NXN: variants seen among roughly 807,000 people sequenced by gnomAD.
NXN encodes nucleoredoxin 1.
In NXN, 16 loss-of-function variants were observed where a neutral mutation model predicts 48.6. That is an observed-to-expected ratio of 0.33 (90% CI 0.22 to 0.50). NXN has a LOEUF of 0.50. NXN is among the 20% of genes least tolerant of loss of function. NXN has a pLI of 0.98. For missense variants in NXN, 492 were observed against 605.5 expected (o/e 0.81, Z 1.97); for synonymous variants, 281 against 269.6 (o/e 1.04, Z -0.41).
At chr17:841,665 GCGAGCAGGTCCACCC>G (rs1567828192) in intron 1 of NXN, among the ~76,000 whole-genome samples, 38 of 141,492 alleles carry the variant, frequency 2.7e-4, no homozygotes, top group African/African-American at 8.9e-4. Context: ...TCTCACGCCG[GCGAGCAGGTCCACCC>G]TGACCATGGC....
Position 979,506 on chromosome 17 carries a change from C to G in NXN, c.173G>C (p.Gly58Ala), listed in dbSNP as rs1005727468. 2.4e-6 allele frequency: 3 copies of G among 1,238,146 alleles called. No homozygotes were observed. The highest frequency in any genetic ancestry group is 3.2e-5 in the African/African-American group (2 of 63,480). The allele number at this position is 1,238,146 out of a possible 1,614,324, so 76.7% of individuals were successfully genotyped here. The change falls in exon 1 of 8, where the codon GGG (glycine) becomes GCG (alanine). Residue 58 changes from glycine (G) to alanine (A), a missense_variant. Physicochemically the swap from Gly to Ala is moderately conservative, Grantham distance 60. Coordinates refer to ENST00000336868, the MANE Select transcript of NXN (RefSeq NM_022463.5). ...GGCCGCCGCGTCCCCCCGCAGGCGCCCGTAGAAGGCGGCCAGGCTGGCGCT... is the reference window on the plus strand; with the variant it reads ...GGCCGCCGCGTCCCCCCGCAGGCGCGCGTAGAAGGCGGCCAGGCTGGCGCT... ...QLSASLAAFY[G>A]RLRGDAAAGP...
At chr17:936,514 C>T (rs1215621640) in intron 1 of NXN, among the ~76,000 whole-genome samples, 1 of 151,588 alleles carries the variant, frequency 6.6e-6, no homozygotes, top group East Asian at 1.9e-4. Context: ...CCACACCTTC[C>T]GGTCCCCAAA....
At chr17:951,108 T>G (rs7216126) in intron 1 of NXN, among the ~76,000 whole-genome samples, 43,340 of 141,142 alleles carry the variant, frequency 0.31, 6,637 homozygotes, top group East Asian at 0.61. Context: ...AGGCCGAGGC[T>G]GGCAGATCTT....
Position 958,630 on chromosome 17 carries a change from G to A in NXN, c.360+20689C>T, listed in dbSNP as rs776491789. Reference sequence around the variant, plus strand: ...TACTAAAAATACAAAAATTAGCCAGGCGTGGTGGCGTGCGCCTGTAGTCCC... The same window carrying A: ...TACTAAAAATACAAAAATTAGCCAGACGTGGTGGCGTGCGCCTGTAGTCCC... On this transcript the variant is annotated intron_variant, in intron 1 of 7. Transcript: ENST00000336868. This position sits in a 1 kb window ranked among gnomAD's most constrained non-coding sequence, Gnocchi z 6.9. 6.6e-6 allele frequency among the ~76,000 whole-genome samples: 1 copy of A among 152,182 alleles called. No individual in the cohort carries two copies. The highest frequency in any genetic ancestry group is 1.5e-5 in the Non-Finnish European group (1 of 68,042).
At chr17:884,079 G>T (rs1386039180) in intron 1 of NXN, among the ~76,000 whole-genome samples, 2 of 152,104 alleles carry the variant, frequency 1.3e-5, no homozygotes, top group Non-Finnish European at 2.9e-5. Context: ...AAGTTAGCCG[G>T]GCGTGGTGGT....
intron 1 of NXN, among the ~76,000 whole-genome samples, chr17:871,737 A>G (rs2068157476): frequency 6.6e-6 from 1 of 152,134 alleles, no homozygotes; most frequent in South Asian, 2.1e-4. Flanking sequence ...TGAATGGAAA[A>G]TGTTGATGTT....
At chr17:963,803 C>A (rs1480828780) in intron 1 of NXN, among the ~76,000 whole-genome samples, 1 of 152,122 alleles carries the variant, frequency 6.6e-6, no homozygotes, top group African/African-American at 2.4e-5. Context: ...CTGGGCCGGG[C>A]GCGGTGGCTC....
intron 1 of NXN, among the ~76,000 whole-genome samples, chr17:914,845 C>A (rs1393020141): frequency 6.6e-6 from 1 of 152,102 alleles, no homozygotes; most frequent in African/African-American, 2.4e-5. Flanking sequence ...GTGCGTGGAA[C>A]CAACAGCACA....
intron 1 of NXN, among the ~76,000 whole-genome samples, chr17:880,982 T>C (rs2068277670): frequency 6.6e-6 from 1 of 152,144 alleles, no homozygotes; most frequent in Non-Finnish European, 1.5e-5. Context: ...CCTTCCCTCC[T>C]GCCCCATCTA....
intron 1 of NXN, among the ~76,000 whole-genome samples, chr17:880,940 G>C (rs1369232189): frequency 1.3e-5 from 2 of 152,160 alleles, no homozygotes; most frequent in Non-Finnish European, 1.5e-5. Flanking sequence ...GGGGCTGACT[G>C]GTTCCTGTGG....
intron 1 of NXN, among the ~76,000 whole-genome samples, chr17:853,724 T>TATATATATATATATATATA (rs61572573): frequency 1.7e-4 from 12 of 70,030 alleles, no homozygotes; most frequent in Admixed American, 2.6e-4. Flanking sequence ...TATATATATA[T>TATATATATATATATATATA]TTTTTTTTTT....
chr17:859,155 A>G (rs889365740), intron 1 of NXN, among the ~76,000 whole-genome samples: 1 of 152,206 alleles, frequency 6.6e-6, no homozygotes, highest in African/African-American at 2.4e-5. Flanking sequence ...TTTCAGATGC[A>G]GTTTCCCGTC....
At chr17:943,234 C>T (rs1351882532) in intron 1 of NXN, among the ~76,000 whole-genome samples, 2 of 152,188 alleles carry the variant, frequency 1.3e-5, no homozygotes, top group East Asian at 3.8e-4. Context: ...AATCTGTCAA[C>T]TGAGGTGCTT....
At chr17:973,698 A>G (rs1306723935) in intron 1 of NXN, among the ~76,000 whole-genome samples, 1 of 151,316 alleles carries the variant, frequency 6.6e-6, no homozygotes, top group Admixed American at 6.6e-5. Flanking sequence ...TTTTTTTTCC[A>G]AGACGGAGTC....
At chr17:848,195 T>A (rs561213438) in intron 1 of NXN, among the ~76,000 whole-genome samples, 16 of 152,172 alleles carry the variant, frequency 1.1e-4, no homozygotes, top group African/African-American at 3.6e-4. Context: ...TGGAGTGCAA[T>A]GGCACGATCT....
At chr17:960,280 GCTTTTCTGAATGCAGTATGTGAAGTAT>G (rs1300914524) in intron 1 of NXN, among the ~76,000 whole-genome samples, 9 of 152,136 alleles carry the variant, frequency 5.9e-5, no homozygotes, top group Non-Finnish European at 1.0e-4. Context: ...TTGGGATCTC[GCTTTTCTGAATGCAGTATGTGAAGTAT>G]AGGTCTACAG....
chr17:966,019 G>A (rs1478029667), intron 1 of NXN, among the ~76,000 whole-genome samples: 1 of 151,880 alleles, frequency 6.6e-6, no homozygotes, highest in Non-Finnish European at 1.5e-5. Flanking sequence ...GAGAGGCTGA[G>A]GCAAGAGAAT....
intron 1 of NXN, among the ~76,000 whole-genome samples, chr17:868,421 T>C (rs1189557773): frequency 1.3e-5 from 2 of 152,084 alleles, no homozygotes; most frequent in Non-Finnish European, 2.9e-5. Context: ...ACCCGCAGAC[T>C]TAACGCCTTC....
intron 7 of NXN, 62 bp downstream of exon 7, chr17:803,620 C>T: frequency 6.2e-7 from 1 of 1,607,618 alleles, no homozygotes; most frequent in Non-Finnish European, 8.5e-7. Flanking sequence ...GGGCCAGGAT[C>T]AGTCCTGTGC....
Sources: gnomAD v4.1 joint callset for allele counts (sites outside exome capture counted in the v4.1 genomes callset) on GRCh38, gnomAD v4.1.1 for gene constraint, Gnocchi (gnomAD v3.1) non-coding constraint, MANE v1.5 for transcripts, NCBI Gene and HGNC (gene_info 2026-07-23, HGNC 2026-07-21) for gene names.